PIEZO2: variants seen among roughly 807,000 people sequenced by gnomAD.
PIEZO2 encodes piezo type mechanosensitive ion channel component 2.
A neutral mutation model predicts 337.3 loss-of-function variants in PIEZO2; 172 were observed. That is an observed-to-expected ratio of 0.51 (90% CI 0.45 to 0.58). PIEZO2 has a LOEUF of 0.58. Ranked by LOEUF, PIEZO2 falls within the 20% of genes least tolerant of loss-of-function variation. The probability of loss-of-function intolerance (pLI) is 0.00; values close to 1 mark genes in which losing one functional copy is unlikely to be tolerated. For synonymous variants in PIEZO2, 1,251 were observed against 1,228.5 expected, an observed-to-expected ratio of 1.02 and a Z score of -0.38; for missense variants, 3,028 against 3,391.3, an observed-to-expected ratio of 0.89 and a Z score of 2.66.
chr18:10,814,965 A>C (rs12605022), intron 7 of PIEZO2, among the ~76,000 whole-genome samples: 1 of 152,226 alleles, frequency 6.6e-6, no homozygotes, highest in Non-Finnish European at 1.5e-5. Flanking sequence ...AAAGCTAGCA[A>C]TAACTGCAGC....
At chr18:10,761,175 TC>T in intron 23 of PIEZO2, 64 bp from the exon 24 acceptor site, 2 of 1,366,908 alleles carry the variant, frequency 1.5e-6, no homozygotes, top group Non-Finnish European at 2.0e-6. Context: ...TTTCAAGCAA[TC>T]CCCACATTCT....
intron 1 of PIEZO2, among the ~76,000 whole-genome samples, chr18:11,106,289 G>A (rs1246684166): frequency 1.3e-5 from 2 of 149,394 alleles, no homozygotes; most frequent in Non-Finnish European, 3.0e-5. Context: ...TAGTAGAGAC[G>A]GGGTTTCACC....
rs934953197 is a variant in PIEZO2 at position 10,969,627 on chromosome 18, A to G, written c.286+9908T>C. Among the ~76,000 whole-genome samples, 2 of 152,112 alleles carry G rather than the reference A, an allele frequency of 1.3e-5. No individual in the cohort carries two copies. Among genetic ancestry groups the G allele is most frequent in the Non-Finnish European group, 2.9e-5 (2 of 67,998 alleles). On this transcript the variant is annotated intron_variant, in intron 3 of 55. Transcript: ENST00000674853. This position sits in a 1 kb window ranked among gnomAD's most constrained non-coding sequence, Gnocchi z 4.5. ...AAATAAATACCAAGTAACTTAATTG[A>G]TAAATAGTTTCTAAAGAGAAATAAA...
At chr18:11,018,980 A>T (rs2036219381) in intron 2 of PIEZO2, among the ~76,000 whole-genome samples, 1 of 152,144 alleles carries the variant, frequency 6.6e-6, no homozygotes, top group South Asian at 2.1e-4. Context: ...TGTGTGTGAG[A>T]TCAACCCCAA....
chr18:10,816,345 T>A (rs1683368), intron 7 of PIEZO2, among the ~76,000 whole-genome samples: 28,088 of 152,178 alleles, frequency 0.18, 2,639 homozygotes, highest in Middle Eastern at 0.24. Context: ...AGCCTAAATA[T>A]TGTTTCTTAG....
chr18:10,907,721 G>A (rs1028142242), intron 4 of PIEZO2, among the ~76,000 whole-genome samples: 4 of 152,060 alleles, frequency 2.6e-5, no homozygotes, highest in East Asian at 1.9e-4. Flanking sequence ...ACAAAGCCAC[G>A]CCCACCTGGC....
In PIEZO2 at chr18:10,677,883, GAA is replaced by G. The variant is rs5823112; in HGVS notation, c.7953-10_7953-9del. 446 of 1,392,982 alleles carry G rather than the reference GAA, an allele frequency of 3.2e-4. No individual in the cohort carries two copies. The highest frequency in any genetic ancestry group is 9.6e-4 in the Admixed American group (40 of 41,774). 86.3% of individuals were successfully genotyped at this position (1,392,982 alleles called of 1,614,324 possible). A position where few individuals can be genotyped will look rare whatever the true frequency, so the allele number is the denominator to read the frequency against. ...GCACCCAGACTTAAGTTTCTGTGAA[GAA>G]AAAAAAAAAGCTTAATGTCAGTGAT... On this transcript the variant is annotated splice_polypyrimidine_tract_variant and intron_variant, in intron 52 of 55. Coordinates refer to ENST00000674853, the MANE Select transcript of PIEZO2 (RefSeq NM_001378183.1). The surrounding 1 kb of genome is among the most constrained non-coding windows in gnomAD (Gnocchi z 4.1).
In PIEZO2 at chr18:10,979,492, A is replaced by G; in HGVS notation, c.286+43T>C. 7.0e-7 allele frequency: 1 copy of G among 1,424,928 alleles called. No homozygotes were observed. Among genetic ancestry groups the G allele is most frequent in the Non-Finnish European group, 9.3e-7 (1 of 1,080,860 alleles). 88.3% of individuals were successfully genotyped at this position (1,424,928 alleles called of 1,614,324 possible). A position where few individuals can be genotyped will look rare whatever the true frequency, so the allele number is the denominator to read the frequency against. On this transcript the variant is annotated intron_variant, in intron 3 of 55. Coordinates refer to ENST00000674853, the MANE Select transcript of PIEZO2 (RefSeq NM_001378183.1). This position sits in a 1 kb window ranked among gnomAD's most constrained non-coding sequence, Gnocchi z 4.0. The stretch of plus-strand genomic sequence containing the variant: ...CAGCTTTATTATGCACGTATATAAA[A>G]GAAATAAAAGAAAACAATAAAAGAA...
chr18:10,785,708 T>C (rs2039196454), intron 16 of PIEZO2, among the ~76,000 whole-genome samples: 1 of 152,080 alleles, frequency 6.6e-6, no homozygotes, highest in African/African-American at 2.4e-5. Context: ...CCTCTTGAAT[T>C]GCCCACTCCT....
Position 10,699,627 on chromosome 18 carries a change from A to G in PIEZO2, c.6442-450T>C, listed in dbSNP as rs142077838. ...TCTCAGGTATGTCTTTATCAGCAGCATGAAAACGGACTAATACACAAGAAA... is the reference window on the plus strand; with the variant it reads ...TCTCAGGTATGTCTTTATCAGCAGCGTGAAAACGGACTAATACACAAGAAA... On this transcript the variant is annotated intron_variant, in intron 43 of 55. Transcript: ENST00000674853. 5.7e-3 allele frequency among the ~76,000 whole-genome samples: 867 copies of G among 152,336 alleles called. 1 individual carries two copies. Among genetic ancestry groups the G allele is most frequent in the Middle Eastern group, 0.014 (4 of 294 alleles).
At chr18:11,059,453 C>T (rs1440772033) in intron 2 of PIEZO2, among the ~76,000 whole-genome samples, 3 of 152,266 alleles carry the variant, frequency 2.0e-5, no homozygotes, top group East Asian at 3.9e-4. Context: ...TTAAAAGACA[C>T]AGATTGGCAA....
rs1260739372 is a variant in PIEZO2 at position 10,682,277 on chromosome 18, G to A, written c.7513C>T (p.Arg2505Trp). 8.5e-6 allele frequency: 13 copies of A among 1,535,784 alleles called. No homozygotes were observed. The highest frequency in any genetic ancestry group is 2.4e-5 in the South Asian group (2 of 83,810). ...ACCACTTTCTTCTTCTTCTGGCCCC[G>A]TGGCTGAGGGTATCTCTGCAACAGA... ...RESEKRYPQP[R>W]GQKKKKVVKY... Residue 2505 changes from arginine to tryptophan, a missense_variant, in exon 50 of 56, where the codon CGG becomes TGG. Physicochemically the swap from Arg to Trp is moderately radical, Grantham distance 101. Coordinates refer to ENST00000674853, the MANE Select transcript of PIEZO2 (RefSeq NM_001378183.1). This position sits in a 1 kb window ranked among gnomAD's most constrained non-coding sequence, Gnocchi z 5.6.
rs1181127785 is a variant in PIEZO2 at position 11,143,809 on chromosome 18, G to A, written c.64+4716C>T. Among the ~76,000 whole-genome samples the A allele has an allele frequency of 6.6e-6, 1 of 152,200 alleles. No individual in the cohort carries two copies. The highest frequency in any genetic ancestry group is 2.4e-5 in the African/African-American group (1 of 41,456). On this transcript the variant is annotated intron_variant, in intron 1 of 55. Transcript: ENST00000674853. The surrounding 1 kb of genome is among the most constrained non-coding windows in gnomAD (Gnocchi z 4.9). The stretch of plus-strand genomic sequence containing the variant: ...GTTAATTTTGACTGAGACATCGCCT[G>A]AGCATTCTGCTCTCTGCTCATCTTC...
At chr18:10,842,266 T>C (rs2144612766) in intron 7 of PIEZO2, among the ~76,000 whole-genome samples, 1 of 152,258 alleles carries the variant, frequency 6.6e-6, no homozygotes, top group South Asian at 2.1e-4. Context: ...TATACATGAA[T>C]GTACATTTAT....
Position 10,746,174 on chromosome 18 carries a change from CAG to C in PIEZO2, c.4425-1945_4425-1944del, listed in dbSNP as rs1329306858. 6.6e-6 allele frequency among the ~76,000 whole-genome samples: 1 copy of C among 152,250 alleles called. No individual in the cohort carries two copies. Among genetic ancestry groups the C allele is most frequent in the Non-Finnish European group, 1.5e-5 (1 of 68,038 alleles). On this transcript the variant is annotated intron_variant, in intron 30 of 55. Transcript: ENST00000674853. The surrounding 1 kb of genome is among the most constrained non-coding windows in gnomAD (Gnocchi z 4.2). The stretch of plus-strand genomic sequence containing the variant: ...ACCCATCTATTCTCCATACCACAAA[CAG>C]AGTGAGCTTCCTGAAATGCAAACAC...
At chr18:10,791,654 C>A (rs2039414752) in intron 13 of PIEZO2, 1 of 170,116 alleles carries the variant, frequency 5.9e-6, no homozygotes, top group South Asian at 1.5e-4. Flanking sequence ...GTGGTTGATT[C>A]CCTCCTGACT....
chr18:10,879,202 A>G (rs2042345567), intron 4 of PIEZO2, among the ~76,000 whole-genome samples: 1 of 152,190 alleles, frequency 6.6e-6, no homozygotes, highest in Non-Finnish European at 1.5e-5. Flanking sequence ...GAATCAGGCT[A>G]ACCAGGTTTT....
At chr18:10,974,867 C>T (rs937776428) in intron 3 of PIEZO2, among the ~76,000 whole-genome samples, 3 of 152,328 alleles carry the variant, frequency 2.0e-5, no homozygotes, top group South Asian at 2.1e-4. Context: ...CAGAGGATTT[C>T]GCTGCTTCCC....
At chr18:10,683,778 A>G (rs1019015798) in intron 49 of PIEZO2, among the ~76,000 whole-genome samples, 1 of 152,296 alleles carries the variant, frequency 6.6e-6, no homozygotes, top group South Asian at 2.1e-4. Flanking sequence ...TGGATCATGA[A>G]AGTTTTGCAA....
Sources: gnomAD v4.1 joint callset for allele counts (sites outside exome capture counted in the v4.1 genomes callset) on GRCh38, gnomAD v4.1.1 for gene constraint, Gnocchi (gnomAD v3.1) non-coding constraint, MANE v1.5 for transcripts, NCBI Gene and HGNC (gene_info 2026-07-23, HGNC 2026-07-21) for gene names.